Variants in NFE2L3 observed in about 807,000 individuals in gnomAD.
NFE2L3 encodes NFE2 like bZIP transcription factor 3, also known as nuclear factor erythroid 2-related factor 3.
A neutral mutation model predicts 23.5 loss-of-function variants in NFE2L3; 18 were observed. The ratio of observed to expected loss-of-function variants is 0.77; its 90% CI spans 0.53 to 1.13. NFE2L3 has a LOEUF of 1.13. Ranked by LOEUF, NFE2L3 falls within the 50% of genes most tolerant of loss-of-function variation. NFE2L3 has a pLI of 0.00. For missense variants in NFE2L3, 1,152 were observed against 877.2 expected, an observed-to-expected ratio of 1.31 and a Z score of -3.96; for synonymous variants, 424 against 354.5, an observed-to-expected ratio of 1.20 and a Z score of -2.20.
chr7:26,154,075 G>T (rs1370164103), intron 1 of NFE2L3, among the ~76,000 whole-genome samples: 1 of 152,224 alleles, frequency 6.6e-6, no homozygotes, highest in Non-Finnish European at 1.5e-5. Context: ...ATTGCCGTTT[G>T]TGTAGGCTGT....
intron 1 of NFE2L3, chr7:26,175,026 G>A: frequency 6.6e-6 from 1 of 152,162 alleles, no homozygotes; most frequent in East Asian, 1.9e-4. Flanking sequence ...CTGTGGAGAT[G>A]TTTTACATTT....
intron 2 of NFE2L3, among the ~76,000 whole-genome samples, chr7:26,181,757 A>G (rs1284035361): frequency 1.3e-5 from 2 of 152,300 alleles, no homozygotes; most frequent in African/African-American, 4.8e-5. Flanking sequence ...CAGAATCTAT[A>G]AGGCAAGAAC....
At chr7:26,175,345 G>A (rs1245328511) in intron 1 of NFE2L3, among the ~76,000 whole-genome samples, 2 of 152,164 alleles carry the variant, frequency 1.3e-5, no homozygotes, top group African/African-American at 2.4e-5. Context: ...GGGCGACAGA[G>A]TGAGACTCAA....
chr7:26,158,587 A>G (rs3753097), intron 1 of NFE2L3, among the ~76,000 whole-genome samples: 85,059 of 152,058 alleles, frequency 0.56, 24,710 homozygotes, highest in African/African-American at 0.71. Context: ...TGCAACCCTG[A>G]GGAAGCTTGG....
chr7:26,152,820 G>T lies in NFE2L3; in HGVS notation c.322G>T (p.Val108Leu). The change falls in exon 1 of 4, where the codon GTG becomes TTG. Residue 108 changes from valine to leucine, a missense_variant. Coordinates refer to ENST00000056233, the MANE Select transcript of NFE2L3 (RefSeq NM_004289.7). The surrounding 1 kb of genome is among the most constrained non-coding windows in gnomAD (Gnocchi z 4.4). ...GGTCCCCTTCGTCCCTCGCACCAGC[G>T]TGGATGCATGGCTGGTGCACAGCGT... Reference protein sequence around the residue: ...LGVPFVPRTSVDAWLVHSVAA... With the variant: ...LGVPFVPRTSLDAWLVHSVAA... 1 of 1,487,400 alleles carries T rather than the reference G, an allele frequency of 6.7e-7. No homozygotes were observed. The highest frequency in any genetic ancestry group is 1.3e-5 in the South Asian group (1 of 79,274). The allele number at this position is 1,487,400 out of a possible 1,614,324, so 92.1% of individuals were successfully genotyped here.
Position 26,152,998 on chromosome 7 carries a change from C to T in NFE2L3, c.500C>T (p.Ala167Val). 6.6e-7 allele frequency: 1 copy of T among 1,518,782 alleles called. No individual in the cohort carries two copies. The highest frequency in any genetic ancestry group is 8.8e-7 in the Non-Finnish European group (1 of 1,138,498). 94.1% of individuals were successfully genotyped at this position (1,518,782 alleles called of 1,614,324 possible). A position where few individuals can be genotyped will look rare whatever the true frequency, so the allele number is the denominator to read the frequency against. Residue 167 changes from alanine (A) to valine (V), a missense_variant, in exon 1 of 4, where the codon GCC (alanine) becomes GTC (valine). Coordinates refer to ENST00000056233, the MANE Select transcript of NFE2L3 (RefSeq NM_004289.7). The surrounding 1 kb of genome is among the most constrained non-coding windows in gnomAD (Gnocchi z 4.4). Reference protein sequence around the residue: ...PRAARSGPLDAGEEEKAPAEP... With the variant: ...PRAARSGPLDVGEEEKAPAEP... The stretch of plus-strand genomic sequence containing the variant: ...GCGGCTCGGAGTGGCCCCTTGGACG[C>T]CGGGGAAGAGGAGAAGGCACCCGCG...
Position 26,152,507 on chromosome 7 carries a change from C to T in NFE2L3, c.9C>T (p.His3=), listed in dbSNP as rs758061360. The change falls in exon 1 of 4, where the codon CAC becomes CAT. Residue 3 remains histidine, a synonymous_variant. Coordinates refer to ENST00000056233, the MANE Select transcript of NFE2L3 (RefSeq NM_004289.7). The surrounding 1 kb of genome is among the most constrained non-coding windows in gnomAD (Gnocchi z 4.4). ...CCGGGCGCGCGGCGGCGATGAAGCA[C>T]CTGAAGCGGTGGTGGTCGGCCGGCG... MK[H]LKRWWSAGGG... is the part of the protein sequence containing the mutation. 1.4e-6 allele frequency: 2 copies of T among 1,380,822 alleles called. No individual in the cohort carries two copies. The highest frequency in any genetic ancestry group is 2.8e-5 in the East Asian group (1 of 35,864). 85.5% of individuals were successfully genotyped at this position (1,380,822 alleles called of 1,614,324 possible).
At chr7:26,166,462 G>A (rs1784253915) in intron 1 of NFE2L3, among the ~76,000 whole-genome samples, 1 of 152,184 alleles carries the variant, frequency 6.6e-6, no homozygotes, top group African/African-American at 2.4e-5. Flanking sequence ...CCAGTACTGT[G>A]GCCAAGAGCT....
Position 26,183,759 on chromosome 7 carries a change from C to A in NFE2L3, c.809C>A (p.Ser270Ter). The change falls in exon 3 of 4, where the codon TCA (serine) becomes TAA (stop). Residue 270 changes from serine (S) to a stop codon, truncating the protein, a stop_gained. Transcript: ENST00000056233. LOFTEE classifies it low-confidence loss of function (END_TRUNC). ...FSLEDLFQLL[S>*]SQPENSLEGI... ...CTGGAAGACTTATTCCAGTTGCTTT[C>A]ATCACAGCCTGAAAATTCACTGGAG... is the stretch of plus-strand genomic sequence containing the variant. 6.2e-7 allele frequency: 1 copy of A among 1,613,118 alleles called. No individual in the cohort carries two copies. Among genetic ancestry groups the A allele is most frequent in the Non-Finnish European group, 8.5e-7 (1 of 1,179,038 alleles).
chr7:26,180,952 C>CTTATA (rs1784495768), intron 2 of NFE2L3, among the ~76,000 whole-genome samples: 1 of 151,884 alleles, frequency 6.6e-6, no homozygotes, highest in African/African-American at 2.4e-5. Context: ...GTCACATCTT[C>CTTATA]GTGTACTTAA....
chr7:26,152,457 C>A lies in NFE2L3; in HGVS notation c.-42C>A. On this transcript the variant is annotated 5_prime_UTR_variant, in exon 1 of 4. Coordinates refer to ENST00000056233, the MANE Select transcript of NFE2L3 (RefSeq NM_004289.7). The surrounding 1 kb of genome is among the most constrained non-coding windows in gnomAD (Gnocchi z 4.4). ...CACCCCGGCGGCTGGGGCGCCGGGA[C>A]CCGCGGGCGCCGGCAGGGGCGTTCC... 2 of 1,226,698 alleles carry A rather than the reference C, an allele frequency of 1.6e-6. No individual in the cohort carries two copies. Among genetic ancestry groups the A allele is most frequent in the Non-Finnish European group, 1.0e-6 (1 of 983,316 alleles). 76.0% of individuals were successfully genotyped at this position (1,226,698 alleles called of 1,614,324 possible).
chr7:26,184,534 G>A lies in NFE2L3; in HGVS notation c.836G>A (p.Gly279Asp). The change falls in exon 4 of 4, where the codon GGC (glycine) becomes GAC (aspartate). Residue 279 changes from glycine to aspartate, a missense_variant and splice_region_variant. Gly to Asp is a moderately conservative substitution (Grantham distance 94). Transcript: ENST00000056233. Reference protein sequence around the residue: ...LSSQPENSLEGISLGDIPLPG... With the variant: ...LSSQPENSLEDISLGDIPLPG... Reference sequence around the variant, plus strand: ...AAGTGTTTCTCCTTCGTTTTTCAGGGCATCTCATTGGGAGATATTCCTCTT... The same window carrying A: ...AAGTGTTTCTCCTTCGTTTTTCAGGACATCTCATTGGGAGATATTCCTCTT... The A allele has an allele frequency of 6.2e-7, 1 of 1,602,172 alleles. No homozygotes were observed. Among genetic ancestry groups the A allele is most frequent in the African/African-American group, 1.3e-5 (1 of 74,582 alleles).
At chr7:26,159,172 C>T (rs1784133872) in intron 1 of NFE2L3, among the ~76,000 whole-genome samples, 1 of 152,176 alleles carries the variant, frequency 6.6e-6, no homozygotes, top group Non-Finnish European at 1.5e-5. Flanking sequence ...CAGCCCCCAG[C>T]TGCTCTTGCT....
At chr7:26,169,360 G>C (rs1210091741) in intron 1 of NFE2L3, among the ~76,000 whole-genome samples, 1 of 152,204 alleles carries the variant, frequency 6.6e-6, no homozygotes, top group Admixed American at 6.5e-5. Flanking sequence ...ATGCAGGCTG[G>C]CAGAACCCAG....
At chr7:26,176,398 C>T (rs1039116874) in intron 1 of NFE2L3, among the ~76,000 whole-genome samples, 3 of 152,242 alleles carry the variant, frequency 2.0e-5, no homozygotes, top group Non-Finnish European at 2.9e-5. Flanking sequence ...GGTACACCTG[C>T]AGAAAGGCTG....
rs537860514 is a variant in NFE2L3, at chr7:26,161,579, T to TC, written c.570+8513dup. Among the ~76,000 whole-genome samples the TC allele has an allele frequency of 3.2e-3, 488 of 152,130 alleles. 2 individuals carry two copies. Among genetic ancestry groups the TC allele is most frequent in the African/African-American group, 0.011 (472 of 41,494 alleles). On this transcript the variant is annotated intron_variant, in intron 1 of 3. Transcript: ENST00000056233. Reference sequence around the variant, plus strand: ...TGCCTTGACGCTCCTCCCCCAGGGCTCCTCAGTGTCCGGCAATACCTGAAT... The same window carrying TC: ...TGCCTTGACGCTCCTCCCCCAGGGCTCCCTCAGTGTCCGGCAATACCTGAAT...
intron 1 of NFE2L3, among the ~76,000 whole-genome samples, chr7:26,170,166 A>T (rs1784314692): frequency 6.6e-6 from 1 of 152,130 alleles, no homozygotes; most frequent in Non-Finnish European, 1.5e-5. Context: ...TCAGAGCTGG[A>T]AGGGGCCCTC....
At chr7:26,170,910 TTA>T (rs1583931919) in intron 1 of NFE2L3, among the ~76,000 whole-genome samples, 2 of 152,120 alleles carry the variant, frequency 1.3e-5, no homozygotes, top group East Asian at 3.9e-4. Flanking sequence ...AAAGTAAACA[TTA>T]GCCAGGCATG....
At chr7:26,162,927 G>T (rs1290485926) in intron 1 of NFE2L3, among the ~76,000 whole-genome samples, 1 of 152,082 alleles carries the variant, frequency 6.6e-6, no homozygotes, top group Non-Finnish European at 1.5e-5. Flanking sequence ...GCCCAGGGTG[G>T]TCTCAAACTC....
Sources: gnomAD v4.1 joint callset for allele counts (sites outside exome capture counted in the v4.1 genomes callset) on GRCh38, gnomAD v4.1.1 for gene constraint, Gnocchi (gnomAD v3.1) non-coding constraint, MANE v1.5 for transcripts, NCBI Gene and HGNC (gene_info 2026-07-23, HGNC 2026-07-21) for gene names.